SGCZ: variants seen among roughly 807,000 people sequenced by gnomAD.
SGCZ encodes the protein zeta-sarcoglycan.
In SGCZ, 40 loss-of-function variants were observed where a neutral mutation model predicts 41.3. The ratio of observed to expected loss-of-function variants is 0.97; its 90% CI spans 0.75 to 1.26. The LOEUF (loss-of-function observed/expected upper bound fraction) is 1.26, where lower values mean the gene tolerates loss of function less well. SGCZ is among the 50% of genes most tolerant of loss of function. The probability of loss-of-function intolerance (pLI) is 0.00; values close to 1 mark genes in which losing one functional copy is unlikely to be tolerated. For synonymous variants in SGCZ, 206 were observed against 137.5 expected (o/e 1.50, Z -3.49); for missense variants, 552 against 369.8 (o/e 1.49, Z -4.04).
chr8:15,013,255 C>A (rs1032562461), intron 1 of SGCZ, among the ~76,000 whole-genome samples: 2 of 152,102 alleles, frequency 1.3e-5, no homozygotes, highest in African/African-American at 4.8e-5. Flanking sequence ...TCTGGCTGTA[C>A]TGTAATAAAA....
chr8:14,830,248 T>C (rs59542027), intron 1 of SGCZ, among the ~76,000 whole-genome samples: 3,396 of 150,686 alleles, frequency 0.023, 133 homozygotes, highest in African/African-American at 0.08. Flanking sequence ...TGGGTGTGTT[T>C]GGTTTCCAAA....
At chr8:14,794,957 G>A (rs1405906726) in intron 1 of SGCZ, among the ~76,000 whole-genome samples, 1 of 152,104 alleles carries the variant, frequency 6.6e-6, no homozygotes, top group Non-Finnish European at 1.5e-5. Flanking sequence ...CAGAGTTAAG[G>A]AGCACAATAA....
intron 2 of SGCZ, among the ~76,000 whole-genome samples, chr8:14,467,339 T>G (rs1033541699): frequency 6.6e-6 from 1 of 152,008 alleles, no homozygotes; most frequent in Non-Finnish European, 1.5e-5. Flanking sequence ...GGAAGAGCTT[T>G]CAACAATGGG....
chr8:14,444,969 GC>G (rs1264702965), intron 2 of SGCZ, among the ~76,000 whole-genome samples: 21 of 151,988 alleles, frequency 1.4e-4, no homozygotes, highest in Admixed American at 1.4e-3. Context: ...CTCAAATTTG[GC>G]CCAAGACGCT....
intron 1 of SGCZ, among the ~76,000 whole-genome samples, chr8:14,972,220 A>G (rs1211672623): frequency 6.6e-6 from 1 of 152,198 alleles, no homozygotes; most frequent in Non-Finnish European, 1.5e-5. Context: ...ACATTTACCC[A>G]TAATATTCCC....
chr8:14,895,410 T>C (rs576343402), intron 1 of SGCZ, among the ~76,000 whole-genome samples: 6 of 152,158 alleles, frequency 3.9e-5, no homozygotes, highest in African/African-American at 1.2e-4. Context: ...TCTGTGTGTG[T>C]TTTTTTGGGG....
At chr8:14,354,484 A>C (rs563090323) in intron 2 of SGCZ, among the ~76,000 whole-genome samples, 2 of 151,962 alleles carry the variant, frequency 1.3e-5, no homozygotes, top group Admixed American at 6.6e-5. Flanking sequence ...GATTAAGGAT[A>C]AGATCTTACT....
intron 1 of SGCZ, among the ~76,000 whole-genome samples, chr8:14,618,501 T>C (rs1806179836): frequency 6.6e-6 from 1 of 152,078 alleles, no homozygotes; most frequent in Non-Finnish European, 1.5e-5. Context: ...CCAGATTGAT[T>C]GTGATGAAAA....
At chr8:14,167,717 A>G (rs1403257157) in intron 4 of SGCZ, among the ~76,000 whole-genome samples, 5 of 152,206 alleles carry the variant, frequency 3.3e-5, no homozygotes, top group African/African-American at 1.2e-4. Context: ...AGAACAAACC[A>G]CCACCATCAC....
At chr8:14,443,962 C>T (rs1000829448) in intron 2 of SGCZ, among the ~76,000 whole-genome samples, 4 of 152,094 alleles carry the variant, frequency 2.6e-5, no homozygotes, top group African/African-American at 7.2e-5. Context: ...AACAAATTTA[C>T]AAGAAACAAA....
At chr8:14,460,754 G>C (rs538281733) in intron 2 of SGCZ, among the ~76,000 whole-genome samples, 2 of 152,172 alleles carry the variant, frequency 1.3e-5, no homozygotes, top group South Asian at 4.1e-4. Context: ...ACAATAGCAA[G>C]ATGCCTAACT....
intron 1 of SGCZ, among the ~76,000 whole-genome samples, chr8:14,725,038 A>G (rs1810006447): frequency 6.6e-6 from 1 of 151,942 alleles, no homozygotes; most frequent in South Asian, 2.1e-4. Context: ...CCATCATTCT[A>G]CTCTCTATCT....
At chr8:14,251,421 C>G (rs960038196) in intron 3 of SGCZ, among the ~76,000 whole-genome samples, 14 of 152,122 alleles carry the variant, frequency 9.2e-5, no homozygotes, top group Admixed American at 7.9e-4. Flanking sequence ...GCTATGCAGT[C>G]TCTGTCAAAA....
chr8:14,207,676 G>C (rs1474200950), intron 4 of SGCZ, among the ~76,000 whole-genome samples: 2 of 152,010 alleles, frequency 1.3e-5, no homozygotes. Context: ...AGAGGACAAA[G>C]TATGTGTAGA....
intron 2 of SGCZ, among the ~76,000 whole-genome samples, chr8:14,460,315 T>G (rs115033025): frequency 0.012 from 1,860 of 152,290 alleles, 47 homozygotes; most frequent in African/African-American, 0.041. Context: ...CATCCATGAT[T>G]GAAAACTCAA....
chr8:15,058,495 A>G (rs1305147539), intron 1 of SGCZ, among the ~76,000 whole-genome samples: 1 of 152,224 alleles, frequency 6.6e-6, no homozygotes, highest in Non-Finnish European at 1.5e-5. Flanking sequence ...AATAAATACT[A>G]TAACAAATCT....
intron 4 of SGCZ, among the ~76,000 whole-genome samples, chr8:14,216,258 G>A (rs533679785): frequency 3.4e-4 from 52 of 152,054 alleles, no homozygotes; most frequent in Non-Finnish European, 6.3e-4. Flanking sequence ...ATTTTCTTTC[G>A]AAGATTTGCA....
At chr8:14,290,300 C>A (rs1239140544) in intron 3 of SGCZ, among the ~76,000 whole-genome samples, 1 of 144,626 alleles carries the variant, frequency 6.9e-6, no homozygotes, top group Non-Finnish European at 1.5e-5. Flanking sequence ...TGTATGAAAC[C>A]AGAGGTACAT....
chr8:14,645,270 T>G (rs1045726057), intron 1 of SGCZ, among the ~76,000 whole-genome samples: 7 of 100,012 alleles, frequency 7.0e-5, no homozygotes, highest in African/African-American at 2.4e-4. Flanking sequence ...GATGAAATAT[T>G]TCTTTCTTAT....
Sources: gnomAD v4.1 joint callset for allele counts (sites outside exome capture counted in the v4.1 genomes callset) on GRCh38, gnomAD v4.1.1 for gene constraint, MANE v1.5 for transcripts, NCBI Gene and HGNC (gene_info 2026-07-23, HGNC 2026-07-21) for gene names.